SNX32: variants seen among roughly 807,000 people sequenced by gnomAD.
SNX32 encodes sorting nexin-32.
A neutral mutation model predicts 57.0 loss-of-function variants in SNX32; 58 were observed. That is an observed-to-expected ratio of 1.02 (90% CI 0.82 to 1.27). The LOEUF (loss-of-function observed/expected upper bound fraction) is 1.27, where lower values mean the gene tolerates loss of function less well. Among genes scored for constraint, SNX32 ranks in the 50% most tolerant of loss-of-function variants. The pLI is 0.00. For missense variants in SNX32, 589 were observed against 541.2 expected, an observed-to-expected ratio of 1.09 and a Z score of -0.88; for synonymous variants, 262 against 220.4, an observed-to-expected ratio of 1.19 and a Z score of -1.67.
intron 1 of SNX32, among the ~76,000 whole-genome samples, chr11:65,840,013 G>A (rs1455109781): frequency 1.3e-5 from 2 of 151,942 alleles, no homozygotes; most frequent in African/African-American, 4.8e-5. Context: ...AAATTAGCCG[G>A]GCATGGTAGT....
At chr11:65,852,993 C>T (rs749082555) in intron 12 of SNX32, 35 bp downstream of exon 12, 1 of 1,588,066 alleles carries the variant, frequency 6.3e-7, no homozygotes, top group East Asian at 2.2e-5. Context: ...CCTTGTGAAG[C>T]CTCCCACCTC....
At chr11:65,844,024 G>C (rs1858919589) in intron 1 of SNX32, among the ~76,000 whole-genome samples, 1 of 152,164 alleles carries the variant, frequency 6.6e-6, no homozygotes, top group Non-Finnish European at 1.5e-5. Flanking sequence ...CAATTACCAT[G>C]CCTGGACTAA....
intron 1 of SNX32, among the ~76,000 whole-genome samples, chr11:65,835,134 ATG>A (rs1400695056): frequency 4.0e-5 from 6 of 150,708 alleles, no homozygotes; most frequent in Non-Finnish European, 7.4e-5. Context: ...CTCTGTGTGT[ATG>A]TGTGTGTCTG....
At chr11:65,853,223 A>G in intron 12 of SNX32, 59 bp from the exon 13 acceptor site, 1 of 1,612,322 alleles carries the variant, frequency 6.2e-7, no homozygotes, top group Non-Finnish European at 8.5e-7. Context: ...AAGGTGCAGA[A>G]AGAATGGCAG....
Position 65,852,868 on chromosome 11 carries a change from T to C in SNX32, c.1073-5T>C. The C allele has an allele frequency of 6.2e-7, 1 of 1,613,962 alleles. No homozygotes were observed. Among genetic ancestry groups the C allele is most frequent in the Middle Eastern group, 1.6e-4 (1 of 6,062 alleles). ...GATCCCCATGCCTCTTCCCCTCCTC[T>C]CCAGAGCTCATGGACTTCAAGTCCC... On this transcript the variant is annotated splice_region_variant and splice_polypyrimidine_tract_variant and intron_variant, in intron 11 of 12. Coordinates refer to ENST00000308342, the MANE Select transcript of SNX32 (RefSeq NM_152760.3).
Position 65,853,483 on chromosome 11 carries a change from A to C in SNX32, c.*148A>C, listed in dbSNP as rs1029960605. On this transcript the variant is annotated 3_prime_UTR_variant, in exon 13 of 13. Coordinates refer to ENST00000308342, the MANE Select transcript of SNX32 (RefSeq NM_152760.3). ...CCACATCCTCTCAGGGAAAGCCCAAACCCCCTATCACCACCACCACAGGTG... is the reference window on the plus strand; with the variant it reads ...CCACATCCTCTCAGGGAAAGCCCAACCCCCCTATCACCACCACCACAGGTG... 1.3e-6 allele frequency: 1 copy of C among 741,702 alleles called. No individual in the cohort carries two copies. Among genetic ancestry groups the C allele is most frequent in the Admixed American group, 2.3e-5 (1 of 44,190 alleles). 45.9% of individuals were successfully genotyped at this position (741,702 alleles called of 1,614,324 possible).
Position 65,853,379 on chromosome 11 carries a change from A to G in SNX32, c.*44A>G. 1.9e-6 allele frequency: 3 copies of G among 1,595,282 alleles called. No individual in the cohort carries two copies. Among genetic ancestry groups the G allele is most frequent in the Non-Finnish European group, 2.6e-6 (3 of 1,163,326 alleles). On this transcript the variant is annotated 3_prime_UTR_variant, in exon 13 of 13. Transcript: ENST00000308342. ...AGACCCTAATCTGGGATCTCCAGTGACCAGGGTATCCCAGACCCCTCTCTC... is the reference window on the plus strand; with the variant it reads ...AGACCCTAATCTGGGATCTCCAGTGGCCAGGGTATCCCAGACCCCTCTCTC...
intron 1 of SNX32, among the ~76,000 whole-genome samples, chr11:65,839,053 T>C (rs1858746728): frequency 6.6e-6 from 1 of 150,468 alleles, no homozygotes; most frequent in South Asian, 2.1e-4. Context: ...ATTATTATTA[T>C]TATTATTATT....
At position 65,852,793 on chromosome 11, in the gene SNX32, A is replaced by G; in HGVS notation, c.1072+4A>G. 1.9e-6 allele frequency: 3 copies of G among 1,609,666 alleles called. No homozygotes were observed. Among genetic ancestry groups the G allele is most frequent in the Non-Finnish European group, 2.5e-6 (3 of 1,177,300 alleles). On this transcript the variant is annotated splice_donor_region_variant and intron_variant, in intron 11 of 12. Transcript: ENST00000308342. ...CTCTCCGACTCCGCCAAGCAAGGTGAGCCCGCAGCCCCCAGCCCCAGCCTG... is the reference window on the plus strand; with the variant it reads ...CTCTCCGACTCCGCCAAGCAAGGTGGGCCCGCAGCCCCCAGCCCCAGCCTG...
At chr11:65,851,572 G>A in intron 8 of SNX32, 68 bp from the exon 9 acceptor site, 1 of 1,587,652 alleles carries the variant, frequency 6.3e-7, no homozygotes, top group Non-Finnish European at 8.6e-7. Flanking sequence ...CCAAGGAGAG[G>A]CTGAGACAGA....
chr11:65,851,703 A>G (rs371369623), intron 9 of SNX32, 24 bp downstream of exon 9: 7 of 1,613,272 alleles, frequency 4.3e-6, no homozygotes, highest in Non-Finnish European at 5.9e-6. Context: ...TCTGTGCTCA[A>G]AGGCTTTCCT....
chr11:65,847,518 G>A (rs904030088), intron 1 of SNX32, among the ~76,000 whole-genome samples: 26 of 152,060 alleles, frequency 1.7e-4, no homozygotes, highest in Admixed American at 3.9e-4. Flanking sequence ...ATCTGAGTTG[G>A]GTGATGGTTA....
chr11:65,834,017 C>A lies in SNX32; in HGVS notation c.-49C>A. On this transcript the variant is annotated 5_prime_UTR_variant, in exon 1 of 13. Transcript: ENST00000308342. ...TTCCTCGGGCGAGTTACGGGGACGA[C>A]CTGCGGGAGCACGCGGGCAGTGGCC... The A allele has an allele frequency of 3.2e-6, 5 of 1,546,274 alleles. No individual in the cohort carries two copies. Among genetic ancestry groups the A allele is most frequent in the Non-Finnish European group, 4.4e-6 (5 of 1,143,934 alleles).
chr11:65,851,069 C>CT lies in SNX32; in HGVS notation c.621dup (p.Glu208Ter), dbSNP rs775939337. 9 of 1,614,116 alleles carry CT rather than the reference C, an allele frequency of 5.6e-6. No individual in the cohort carries two copies. The East Asian group carries it at 6.7e-5, about 12-fold the overall frequency. On this transcript the variant is annotated frameshift_variant, in exon 7 of 13. Coordinates refer to ENST00000308342, the MANE Select transcript of SNX32 (RefSeq NM_152760.3). LOFTEE classifies it high-confidence loss of function. Reference sequence around the variant, plus strand: ...GGCTCCCTTAGGAGGTGGATGACTTCTTTGAGCATGAGAGGACCTTCCTGT... The same window carrying CT: ...GGCTCCCTTAGGAGGTGGATGACTTCTTTTGAGCATGAGAGGACCTTCCTGT...
chr11:65,849,750 C>G (rs779339065), intron 2 of SNX32, 168 bp downstream of exon 2: 4 of 769,660 alleles, frequency 5.2e-6, no homozygotes, highest in Non-Finnish European at 8.6e-6. Context: ...CCTAAGGCCC[C>G]GAGTCCTAAT....
chr11:65,849,838 G>A (rs922606172), intron 2 of SNX32, 82 bp from the exon 3 acceptor site: 3 of 1,136,854 alleles, frequency 2.6e-6, no homozygotes, highest in Admixed American at 2.6e-5. Context: ...TGGGATGAGG[G>A]GGGCCCAAAA....
intron 1 of SNX32, among the ~76,000 whole-genome samples, chr11:65,843,922 T>C (rs1205593817): frequency 6.6e-6 from 1 of 152,170 alleles, no homozygotes; most frequent in Non-Finnish European, 1.5e-5. Flanking sequence ...ATAGGCACTT[T>C]ACAAAAGAAG....
At chr11:65,853,062 T>C in intron 12 of SNX32, 104 bp downstream of exon 12, 3 of 1,320,944 alleles carry the variant, frequency 2.3e-6, no homozygotes, top group Middle Eastern at 1.9e-4. Context: ...TGTGCACGCA[T>C]GTATGCGCGT....
intron 9 of SNX32, 59 bp downstream of exon 9, chr11:65,851,738 T>G: frequency 6.3e-7 from 1 of 1,576,790 alleles, no homozygotes; most frequent in Non-Finnish European, 8.7e-7. Context: ...GGAAGATGAG[T>G]CCTGGCAGAG....
Sources: allele counts gnomAD v4.1 joint callset (sites outside exome capture counted in the v4.1 genomes callset), GRCh38; gene constraint gnomAD v4.1.1; transcripts MANE v1.5; gene names NCBI Gene and HGNC (gene_info 2026-07-23, HGNC 2026-07-21).